DENND2B: variants seen among roughly 807,000 people sequenced by gnomAD.
DENND2B encodes DENN domain-containing protein 2B.
DENND2B carries 32 observed loss-of-function variants against 116.0 expected under a neutral mutation model. The observed-to-expected ratio is 0.28, with a 90% CI of 0.21 to 0.37. DENND2B has a LOEUF of 0.37. Ranked by LOEUF, DENND2B falls within the 10% of genes least tolerant of loss-of-function variation. The probability of loss-of-function intolerance (pLI) is 1.00; values close to 1 mark genes in which losing one functional copy is unlikely to be tolerated. For missense variants in DENND2B, 1,276 were observed against 1,477.7 expected (o/e 0.86, Z 2.24); for synonymous variants, 588 against 583.9 (o/e 1.01, Z -0.10).
Position 8,750,662 on chromosome 11 carries a change from G to A in DENND2B, c.39C>T (p.His13=), listed in dbSNP as rs770918684. The change falls in exon 2 of 20, where the codon CAC becomes CAT. Residue 13 remains histidine, a synonymous_variant. Coordinates refer to ENST00000313726, the MANE Select transcript of DENND2B (RefSeq NM_213618.2). ...GAGGGGCTTTAGTGCCACCAGCTCC[G>A]TGGGTGATGCTGGAATTCTTGTTGG... ...MTANKNSSIT[H]GAGGTKAPRG... is the part of the protein sequence containing the mutation. 14 of 1,614,022 alleles carry A rather than the reference G, an allele frequency of 8.7e-6. No individual in the cohort carries two copies. Among genetic ancestry groups the A allele is most frequent in the South Asian group, 4.4e-5 (4 of 91,086 alleles).
rs370846764 is a variant in DENND2B at position 8,744,381 on chromosome 11, G to A, written c.80+6240C>T. On this transcript the variant is annotated intron_variant, in intron 2 of 19. Coordinates refer to ENST00000313726, the MANE Select transcript of DENND2B (RefSeq NM_213618.2). ...ACTCCTGATCTCAGGTGATCCACCC[G>A]CCTCGGCCTCCCAAAGTGCTGGGAT... Among the ~76,000 whole-genome samples, 291 of 151,992 alleles carry A rather than the reference G, an allele frequency of 1.9e-3. 2 individuals carry two copies. The highest frequency in any genetic ancestry group is 6.4e-3 in the African/African-American group (265 of 41,464).
Position 8,762,174 on chromosome 11 carries a change from C to A in DENND2B, c.-25-11449G>T, listed in dbSNP as rs888548948. ...CATTACTCAAAGTAAAAACCAAAAT[C>A]TTTACAATGACTTATAAGGCCCTCC... On this transcript the variant is annotated intron_variant, in intron 1 of 19. Coordinates refer to ENST00000313726, the MANE Select transcript of DENND2B (RefSeq NM_213618.2). 3.3e-5 allele frequency among the ~76,000 whole-genome samples: 5 copies of A among 152,196 alleles called. No individual in the cohort carries two copies. The South Asian group carries it at 8.3e-4, about 25-fold the overall frequency.
intron 4 of DENND2B, among the ~76,000 whole-genome samples, chr11:8,839,141 C>G (rs2568028): frequency 0.93 from 141,728 of 152,282 alleles, 66,773 homozygotes; most frequent in East Asian, 1. Flanking sequence ...TGATAAGGTA[C>G]ACAGGAATCT....
chr11:8,715,273 T>A (rs1486377899), intron 6 of DENND2B, among the ~76,000 whole-genome samples: 2 of 152,154 alleles, frequency 1.3e-5, no homozygotes, highest in East Asian at 3.9e-4. Context: ...GAAGAACCCT[T>A]GTTTGAGTCC....
intron 1 of DENND2B, among the ~76,000 whole-genome samples, chr11:8,898,897 G>T (rs2064132817): frequency 6.6e-6 from 1 of 152,142 alleles, no homozygotes; most frequent in Non-Finnish European, 1.5e-5. Flanking sequence ...GGGCCCAAAT[G>T]TTAGACTTAG....
chr11:8,877,788 G>A (rs1190596088), intron 2 of DENND2B, among the ~76,000 whole-genome samples: 1 of 152,128 alleles, frequency 6.6e-6, no homozygotes, highest in Non-Finnish European at 1.5e-5. Flanking sequence ...AATCACGATT[G>A]TATCTGTAGC....
chr11:8,774,174 G>T (rs976002702), intron 1 of DENND2B: 1 of 985,378 alleles, frequency 1.0e-6, no homozygotes, highest in Non-Finnish European at 1.2e-6. Context: ...TGCTCAGTCA[G>T]CCTTCACGTT....
intron 1 of DENND2B, among the ~76,000 whole-genome samples, chr11:8,792,794 G>T (rs942137159): frequency 1.3e-5 from 2 of 152,240 alleles, no homozygotes; most frequent in Non-Finnish European, 2.9e-5. Context: ...CCAGGGCGCA[G>T]TGGAAAGAGG....
chr11:8,717,957 A>C, intron 4 of DENND2B, 65 bp from the exon 5 acceptor site: 1 of 1,549,574 alleles, frequency 6.5e-7, no homozygotes, highest in East Asian at 2.3e-5. Flanking sequence ...ACTCACACAC[A>C]CACAAATAAA....
intron 4 of DENND2B, chr11:8,718,383 T>G: frequency 6.5e-7 from 1 of 1,535,338 alleles, no homozygotes; most frequent in Non-Finnish European, 8.7e-7. Context: ...ATGGAGGAAC[T>G]CACAGAACCG....
intron 1 of DENND2B, among the ~76,000 whole-genome samples, chr11:8,796,567 C>T (rs1344868297): frequency 3.3e-5 from 5 of 152,140 alleles, no homozygotes; most frequent in African/African-American, 4.8e-5. Context: ...CCCATAGAAA[C>T]TAGTCAATGT....
intron 1 of DENND2B, among the ~76,000 whole-genome samples, chr11:8,788,853 C>G (rs1420204131): frequency 6.6e-6 from 1 of 152,208 alleles, no homozygotes; most frequent in East Asian, 1.9e-4. Context: ...CTGAACTTGG[C>G]CAGGCCTCTG....
intron 2 of DENND2B, among the ~76,000 whole-genome samples, chr11:8,866,809 T>C (rs1022364073): frequency 1.3e-5 from 2 of 152,170 alleles, no homozygotes; most frequent in Non-Finnish European, 2.9e-5. Context: ...GTCACATTCC[T>C]CAGAGGTCCA....
chr11:8,794,720 G>A (rs570415819), intron 1 of DENND2B: 96 of 152,330 alleles, frequency 6.3e-4, no homozygotes, highest in African/African-American at 2.2e-3. Context: ...GACAGCAAAG[G>A]GCAGTGCCTG....
chr11:8,829,085 T>C lies in DENND2B; in HGVS notation c.-115+10225A>G, dbSNP rs577635147. On this transcript the variant is annotated intron_variant, in intron 4 of 6. Transcript: ENST00000524757. Reference sequence around the variant, plus strand: ...TGTGGTGTGGTGTGTATGGTGTGTTTGTGTGTGTGGTGTGGGTATGTGGTG... The same window carrying C: ...TGTGGTGTGGTGTGTATGGTGTGTTCGTGTGTGTGGTGTGGGTATGTGGTG... 3.0e-3 allele frequency among the ~76,000 whole-genome samples: 451 copies of C among 148,170 alleles called. 1 individual carries two copies. The highest frequency in any genetic ancestry group is 7.1e-3 in the South Asian group (33 of 4,666).
chr11:8,766,578 C>T, intron 1 of DENND2B: 1 of 1,272,988 alleles, frequency 7.9e-7, no homozygotes, highest in South Asian at 1.2e-5. Context: ...CTTCCACTGA[C>T]AGACCATCCA....
At chr11:8,754,029 G>GCACACACACACACACACACACACACA (rs60488372) in intron 1 of DENND2B, among the ~76,000 whole-genome samples, 1 of 138,734 alleles carries the variant, frequency 7.2e-6, no homozygotes, top group South Asian at 2.4e-4. Flanking sequence ...CCAAAAGCGC[G>GCACACACACACACACACACACACACA]CACACACACA....
chr11:8,904,308 G>T (rs1018705368), intron 1 of DENND2B, among the ~76,000 whole-genome samples: 2 of 152,106 alleles, frequency 1.3e-5, no homozygotes, highest in East Asian at 1.9e-4. Flanking sequence ...TACAAAAAAC[G>T]TCTGAAAAAC....
intron 4 of DENND2B, among the ~76,000 whole-genome samples, chr11:8,833,078 G>C (rs561563000): frequency 6.6e-6 from 1 of 152,266 alleles, no homozygotes; most frequent in Non-Finnish European, 1.5e-5. Context: ...GCAAACCGGA[G>C]GGGAAGCCCA....
Sources: allele counts gnomAD v4.1 joint callset (sites outside exome capture counted in the v4.1 genomes callset), GRCh38; gene constraint gnomAD v4.1.1; transcripts MANE v1.5; gene names NCBI Gene and HGNC (gene_info 2026-07-23, HGNC 2026-07-21).